Variants in TUBGCP3 observed in about 807,000 individuals in gnomAD.
TUBGCP3 encodes the protein tubulin gamma complex component 3.
TUBGCP3 carries 50 observed loss-of-function variants against 123.1 expected under a neutral mutation model. That is an observed-to-expected ratio of 0.41 (90% confidence interval 0.32 to 0.51). The LOEUF (loss-of-function observed/expected upper bound fraction) is 0.51, where lower values mean the gene tolerates loss of function less well. Ranked by LOEUF, TUBGCP3 falls within the 20% of genes least tolerant of loss-of-function variation. The pLI is 0.36. For synonymous variants in TUBGCP3, 405 were observed against 413.9 expected (o/e 0.98, Z 0.26); for missense variants, 882 against 1,127.0 (o/e 0.78, Z 3.11).
chr13:112,602,666 A>T, the TUBGCP3 span, among the ~76,000 whole-genome samples: 1 of 152,236 alleles, frequency 6.6e-6, no homozygotes, highest in Non-Finnish European at 1.5e-5. Context: ...TCTGCCTCAC[A>T]AAACAATTGA....
chr13:112,487,794 G>A (rs9604331), intron 21 of TUBGCP3, among the ~76,000 whole-genome samples: 26,611 of 152,054 alleles, frequency 0.18, 2,471 homozygotes, highest in Middle Eastern at 0.22. Context: ...CTTGTAAAAG[G>A]GACAACGTTC....
At chr13:112,591,836 A>T (rs143910639), upstream of TUBGCP3, among the ~76,000 whole-genome samples, 57 of 152,334 alleles carry the variant, frequency 3.7e-4, no homozygotes, top group African/African-American at 1.3e-3. Context: ...ACCACTCAAT[A>T]TCGGGATGGC....
intron 17 of TUBGCP3, among the ~76,000 whole-genome samples, chr13:112,512,247 C>T (rs1418491323): frequency 1.3e-5 from 2 of 151,850 alleles, no homozygotes; most frequent in East Asian, 3.9e-4. Flanking sequence ...ATAGTGAAAA[C>T]CCCATCTCTG....
At chr13:112,601,922 G>A in the TUBGCP3 span, among the ~76,000 whole-genome samples, 2 of 152,202 alleles carry the variant, frequency 1.3e-5, no homozygotes, top group South Asian at 4.1e-4. Context: ...GTAGCCCCGG[G>A]ATGTCACTGC....
chr13:112,547,503 C>T lies in TUBGCP3; in HGVS notation c.1168+117G>A, dbSNP rs954555815. The T allele has an allele frequency of 1.3e-5, 17 of 1,330,936 alleles. No homozygotes were observed. In the Admixed American group the frequency reaches 2.7e-4, roughly 21 times the overall value. The allele number at this position is 1,330,936 out of a possible 1,614,324, so 82.4% of individuals were successfully genotyped here. ...GTTCTGAAACAAAGCGAGTGCCAGA[C>T]GCGCGTGGGAAAGACGCGCGTGGGA... On this transcript the variant is annotated intron_variant, in intron 10 of 21. Coordinates refer to ENST00000261965, the MANE Select transcript of TUBGCP3 (RefSeq NM_006322.6).
upstream of TUBGCP3, among the ~76,000 whole-genome samples, chr13:112,593,182 G>A (rs1594247134): frequency 6.6e-6 from 1 of 152,200 alleles, no homozygotes; most frequent in Non-Finnish European, 1.5e-5. Context: ...ACTTTGGGAG[G>A]CCAAAGTGGG....
chr13:112,527,839 G>A (rs1877259180), intron 11 of TUBGCP3, among the ~76,000 whole-genome samples: 1 of 152,220 alleles, frequency 6.6e-6, no homozygotes, highest in African/African-American at 2.4e-5. Context: ...GGCAGCAGCT[G>A]TGTGTCTCCT....
chr13:112,543,039 A>G (rs1340419489), intron 11 of TUBGCP3, among the ~76,000 whole-genome samples: 1 of 152,172 alleles, frequency 6.6e-6, no homozygotes, highest in Non-Finnish European at 1.5e-5. Context: ...AGTTCCAGCT[A>G]CTTGGGAGGC....
In TUBGCP3 at chr13:112,485,841, T is replaced by C. The variant is rs1404099882; in HGVS notation, c.*152A>G. ...CCGACATGTGAAACACGACGTGGCTTCTCCCACACGCCGCTCCGCTGAAAC... is the reference window on the plus strand; with the variant it reads ...CCGACATGTGAAACACGACGTGGCTCCTCCCACACGCCGCTCCGCTGAAAC... On this transcript the variant is annotated 3_prime_UTR_variant, in exon 22 of 22. Transcript: ENST00000261965. The C allele has an allele frequency of 6.4e-6, 5 of 786,414 alleles. No homozygotes were observed. The highest frequency in any genetic ancestry group is 2.7e-5 in the East Asian group (1 of 36,596). The allele number at this position is 786,414 out of a possible 1,614,324, so 48.7% of individuals were successfully genotyped here.
At chr13:112,549,781 A>G (rs1440025439) in intron 8 of TUBGCP3, among the ~76,000 whole-genome samples, 1 of 151,944 alleles carries the variant, frequency 6.6e-6, no homozygotes, top group Non-Finnish European at 1.5e-5. Context: ...CGAGGCCAGG[A>G]GATCGAGACC....
chr13:112,580,967 G>C (rs55859616), intron 1 of TUBGCP3, among the ~76,000 whole-genome samples: 138 of 152,214 alleles, frequency 9.1e-4, no homozygotes, highest in South Asian at 2.3e-3. Flanking sequence ...CCCTTAGAGT[G>C]AATTATCCAC....
At chr13:112,531,699 T>C (rs1005726861) in intron 11 of TUBGCP3, among the ~76,000 whole-genome samples, 1 of 152,082 alleles carries the variant, frequency 6.6e-6, no homozygotes, top group African/African-American at 2.4e-5. Flanking sequence ...AAAGCACTGC[T>C]TCATCTAAGG....
chr13:112,532,850 G>T (rs1877698294), intron 11 of TUBGCP3, among the ~76,000 whole-genome samples: 1 of 152,170 alleles, frequency 6.6e-6, no homozygotes, highest in Non-Finnish European at 1.5e-5. Context: ...ACAAAATTTA[G>T]ATACCATTCT....
chr13:112,573,544 T>A (rs903821891), intron 1 of TUBGCP3, among the ~76,000 whole-genome samples: 1 of 152,128 alleles, frequency 6.6e-6, no homozygotes, highest in South Asian at 2.1e-4. Context: ...CAGGCTCTCA[T>A]CTCTGCAGAG....
At chr13:112,535,167 G>A (rs527624894) in intron 11 of TUBGCP3, among the ~76,000 whole-genome samples, 9 of 152,078 alleles carry the variant, frequency 5.9e-5, no homozygotes, top group East Asian at 1.9e-4. Context: ...ATGGATATAC[G>A]TCATTTTATT....
chr13:112,588,562 G>A (rs1203248660), upstream of TUBGCP3, among the ~76,000 whole-genome samples: 1 of 152,190 alleles, frequency 6.6e-6, no homozygotes, highest in African/African-American at 2.4e-5. Flanking sequence ...CTATCCAACA[G>A]GCGCCCTGCT....
chr13:112,542,890 G>A (rs1287185912), intron 11 of TUBGCP3, among the ~76,000 whole-genome samples: 2 of 152,336 alleles, frequency 1.3e-5, no homozygotes, highest in African/African-American at 2.4e-5. Context: ...GCTCACGCCT[G>A]TAATCCCAGC....
At chr13:112,559,787 C>T (rs145423357) in intron 3 of TUBGCP3, among the ~76,000 whole-genome samples, 8 of 152,288 alleles carry the variant, frequency 5.3e-5, no homozygotes, top group African/African-American at 1.7e-4. Context: ...TATCAACATC[C>T]CATTTAAGCC....
At position 112,545,478 on chromosome 13, in the gene TUBGCP3, T is replaced by C. The variant is rs2139168349; in HGVS notation, c.1335+221A>G. ...GATTCCACCTTGCTGAGGAATAAACTGGGACAATTCTCCACTAACCAAAGA... is the reference window on the plus strand; with the variant it reads ...GATTCCACCTTGCTGAGGAATAAACCGGGACAATTCTCCACTAACCAAAGA... On this transcript the variant is annotated intron_variant, in intron 11 of 21. Transcript: ENST00000261965. The surrounding 1 kb of genome is among the most constrained non-coding windows in gnomAD (Gnocchi z 4.1). 2.0e-6 allele frequency: 1 copy of C among 498,690 alleles called. No homozygotes were observed. Among genetic ancestry groups the C allele is most frequent in the East Asian group, 3.2e-5 (1 of 31,734 alleles). The allele number at this position is 498,690 out of a possible 1,614,324, so 30.9% of individuals were successfully genotyped here. A position where few individuals can be genotyped will look rare whatever the true frequency, so the allele number is the denominator to read the frequency against.
Sources: gnomAD v4.1 joint callset for allele counts (sites outside exome capture counted in the v4.1 genomes callset) on GRCh38, gnomAD v4.1.1 for gene constraint, Gnocchi (gnomAD v3.1) non-coding constraint, MANE v1.5 for transcripts, NCBI Gene and HGNC (gene_info 2026-07-23, HGNC 2026-07-21) for gene names.